The following DDX55 variants were observed in gnomAD, a reference collection of about 807,000 sequenced individuals.
DDX55 encodes the protein DEAD-box helicase 55, also known as ATP-dependent RNA helicase DDX55.
DDX55 carries 56 observed loss-of-function variants against 69.2 expected under a neutral mutation model. The observed-to-expected ratio is 0.81, with a 90% confidence interval of 0.65 to 1.01. The LOEUF is 1.01. DDX55 is among the 50% of genes least tolerant of loss of function. The pLI, the probability that DDX55 is intolerant of heterozygous loss-of-function variation, is 0.00. For missense variants in DDX55, 720 were observed against 745.1 expected (o/e 0.97, Z 0.39); for synonymous variants, 268 against 273.1 (o/e 0.98, Z 0.18).
chr12:123,605,951 CATGCGAAACA>C lies in DDX55; in HGVS notation c.131_140del (p.Met44LysfsTer26), dbSNP rs780497420. ...TTTAGTCCGCAACCATCCCTCTGTT[CATGCGAAACA>C]AAGATGTCGCTGCAGAAGCGGTGAG... is the stretch of plus-strand genomic sequence containing the variant. On this transcript the variant is annotated frameshift_variant, in exon 2 of 14. Transcript: ENST00000238146. LOFTEE classifies it high-confidence loss of function. 15 of 1,614,040 alleles carry C rather than the reference CATGCGAAACA, an allele frequency of 9.3e-6. No homozygotes were observed. Among genetic ancestry groups the C allele is most frequent in the Non-Finnish European group, 1.2e-5 (14 of 1,180,032 alleles).
intron 7 of DDX55, among the ~76,000 whole-genome samples, chr12:123,611,785 G>A (rs184582786): frequency 1.3e-5 from 2 of 152,312 alleles, no homozygotes; most frequent in Non-Finnish European, 1.5e-5. Flanking sequence ...AAGCTGGACT[G>A]GGTGAGGGAG....
intron 10 of DDX55, chr12:123,616,850 A>T: frequency 2.2e-6 from 1 of 451,150 alleles, no homozygotes; most frequent in Non-Finnish European, 4.0e-6. Context: ...GAGAGAAAAC[A>T]AAAAACAACA....
chr12:123,618,711 C>G lies in DDX55; in HGVS notation c.1207C>G (p.Leu403Val), dbSNP rs759419873. 9 of 1,614,124 alleles carry G rather than the reference C, an allele frequency of 5.6e-6. No homozygotes were observed. The South Asian group carries it at 9.9e-5, about 18-fold the overall frequency. ...GAAGCCCCAGAGAAACACAGCGGAC[C>G]TTCTGCCAAAACTCAAGTCCATGGC... ...EMKPQRNTAD[L>V]LPKLKSMALA... Residue 403 changes from leucine to valine, a missense_variant, in exon 12 of 14, where the codon CTT becomes GTT. Coordinates refer to ENST00000238146, the MANE Select transcript of DDX55 (RefSeq NM_020936.3).
chr12:123,604,234 C>A (rs1437406595), intron 1 of DDX55, among the ~76,000 whole-genome samples: 1 of 152,084 alleles, frequency 6.6e-6, no homozygotes, highest in Non-Finnish European at 1.5e-5. Context: ...TAGTGAGACC[C>A]GCATCTTCGA....
chr12:123,614,731 C>T (rs550708539), intron 8 of DDX55, among the ~76,000 whole-genome samples: 34 of 152,272 alleles, frequency 2.2e-4, no homozygotes, highest in African/African-American at 8.2e-4. Flanking sequence ...ATCTGACTGG[C>T]CTAGCTTGGG....
Position 123,618,544 on chromosome 12 carries a change from G to A in DDX55, c.1165-125G>A, listed in dbSNP as rs776504110. 1.6e-5 allele frequency: 24 copies of A among 1,539,842 alleles called. No homozygotes were observed. In the Admixed American group the frequency reaches 3.4e-4, roughly 22 times the overall value. ...CATGTGAAATATTTGGGTTGGAGTT[G>A]GGCTTCAGACCTCAACAGTTGAAAA... is the stretch of plus-strand genomic sequence containing the variant. On this transcript the variant is annotated intron_variant, in intron 11 of 13. Coordinates refer to ENST00000238146, the MANE Select transcript of DDX55 (RefSeq NM_020936.3).
At chr12:123,606,192 A>C (rs766381952) in intron 3 of DDX55, 33 bp downstream of exon 3, 11 of 1,609,170 alleles carry the variant, frequency 6.8e-6, no homozygotes, top group Middle Eastern at 1.7e-4. Context: ...ATTTTCACCT[A>C]GTCATCAGAG....
chr12:123,610,761 G>A (rs541006083), intron 7 of DDX55, among the ~76,000 whole-genome samples: 9 of 151,410 alleles, frequency 5.9e-5, no homozygotes, highest in Admixed American at 3.9e-4. Context: ...ACAGGCGCCC[G>A]CCACCACGCC....
At chr12:123,610,652 C>T (rs1954164852) in intron 7 of DDX55, among the ~76,000 whole-genome samples, 1 of 142,888 alleles carries the variant, frequency 7.0e-6, no homozygotes, top group Non-Finnish European at 1.5e-5. Context: ...GGCTCTGTCG[C>T]CCAGGCTGGA....
At chr12:123,605,827 G>A in intron 1 of DDX55, 104 bp from the exon 2 acceptor site, 2 of 1,477,636 alleles carry the variant, frequency 1.4e-6, no homozygotes, top group Non-Finnish European at 1.9e-6. Context: ...TTTTGTGGTG[G>A]GACCCACTGT....
intron 11 of DDX55, 42 bp from the exon 12 acceptor site, chr12:123,618,627 C>A: frequency 6.3e-7 from 1 of 1,591,130 alleles, no homozygotes; most frequent in Non-Finnish European, 8.6e-7. Flanking sequence ...GGATATGATG[C>A]CAGCCAGGGA....
chr12:123,607,989 C>T lies in DDX55; in HGVS notation c.401+327C>T, dbSNP rs952207279. 3.6e-4 allele frequency: 135 copies of T among 379,884 alleles called. 1 individual carries two copies. Among genetic ancestry groups the T allele is most frequent in the African/African-American group, 2.5e-3 (125 of 49,248 alleles). 23.5% of individuals were successfully genotyped at this position (379,884 alleles called of 1,614,324 possible). ...CAGCTGGTAGTTGCCTGGGAGGACT[C>T]GGCTCAGTAGTGGCAGGTTTTGAAT... On this transcript the variant is annotated intron_variant, in intron 5 of 13. Transcript: ENST00000238146.
chr12:123,602,352 G>C, intron 1 of DDX55, 96 bp downstream of exon 1: 1 of 1,178,066 alleles, frequency 8.5e-7, no homozygotes, highest in Non-Finnish European at 1.1e-6. Context: ...TCTGAGCCCT[G>C]GGGCGCTCAT....
At chr12:123,615,758 G>A (rs1954610414) in intron 9 of DDX55, among the ~76,000 whole-genome samples, 1 of 152,170 alleles carries the variant, frequency 6.6e-6, no homozygotes, top group Admixed American at 6.5e-5. Context: ...GCCGAGGCGG[G>A]TGGATCACGA....
intron 3 of DDX55, among the ~76,000 whole-genome samples, chr12:123,607,092 CACAA>C (rs1003613140): frequency 6.6e-6 from 1 of 152,156 alleles, no homozygotes; most frequent in Admixed American, 6.6e-5. Flanking sequence ...GTCTTTTAAG[CACAA>C]ACAGACATAA....
chr12:123,610,791 C>G (rs1954177702), intron 7 of DDX55, among the ~76,000 whole-genome samples: 2 of 150,530 alleles, frequency 1.3e-5, no homozygotes, highest in South Asian at 4.2e-4. Flanking sequence ...TTTTGTTAGC[C>G]CTGTTAGCCA....
intron 12 of DDX55, among the ~76,000 whole-genome samples, chr12:123,619,153 C>T (rs1566205673): frequency 6.6e-6 from 1 of 152,206 alleles, no homozygotes. Context: ...CAGGCGCCCG[C>T]CACCACGCCC....
rs140634646 is a variant in DDX55 at position 123,613,185 on chromosome 12, G to T, written c.757G>T (p.Glu253Ter). The change falls in exon 8 of 14, where the codon GAG becomes TAG. Residue 253 changes from glutamate to a stop codon, truncating the protein, a stop_gained. Transcript: ENST00000238146. LOFTEE classifies it high-confidence loss of function. ...ENYYMVCKADEKFNQLVHFLR... is the reference protein window; with the variant it reads ...ENYYMVCKAD ...TATTTTGCAGGTATGCAAGGCAGAT[G>T]AGAAATTTAATCAGCTGGTCCATTT... 5 of 1,613,982 alleles carry T rather than the reference G, an allele frequency of 3.1e-6. No homozygotes were observed. The African/African-American group carries it at 4.0e-5, about 13-fold the overall frequency.
chr12:123,605,718 CCTCCCAG>C, intron 1 of DDX55: 1 of 682,344 alleles, frequency 1.5e-6, no homozygotes, highest in Non-Finnish European at 2.7e-6. Context: ...AGGACTCCCA[CCTCCCAG>C]CTCAGCTCAC....
Sources: allele counts gnomAD v4.1 joint callset (sites outside exome capture counted in the v4.1 genomes callset), GRCh38; gene constraint gnomAD v4.1.1; transcripts MANE v1.5; gene names NCBI Gene and HGNC (gene_info 2026-07-23, HGNC 2026-07-21).